PTPRK: variants seen among roughly 807,000 people sequenced by gnomAD.
PTPRK encodes the protein protein tyrosine phosphatase receptor type K.
PTPRK carries 75 observed loss-of-function variants against 178.0 expected under a neutral mutation model. The observed-to-expected ratio is 0.42, with a 90% CI of 0.35 to 0.51. The LOEUF is 0.51. Ranked by LOEUF, PTPRK falls within the 20% of genes least tolerant of loss-of-function variation. The pLI is 0.02. For missense variants in PTPRK, 1,441 were observed against 1,797.8 expected (o/e 0.80, Z 3.59); for synonymous variants, 637 against 620.6 (o/e 1.03, Z -0.39).
rs765595507 is a variant in PTPRK at position 127,973,804 on chromosome 6, C to T, written c.3993G>A (p.Val1331=). 2 of 1,613,574 alleles carry T rather than the reference C, an allele frequency of 1.2e-6. No individual in the cohort carries two copies. Among genetic ancestry groups the T allele is most frequent in the Non-Finnish European group, 1.7e-6 (2 of 1,179,602 alleles). ...LTRPQEGYLM[V]QQFQYLGWAS... ...CCCATCCTAGGTACTGAAACTGTTG[C>T]ACCATCAGATAACCTTCCTGTGGCT... is the stretch of plus-strand genomic sequence containing the variant. Residue 1331 remains valine (V), a synonymous_variant, in exon 28 of 30, where the codon GTG becomes GTA. Coordinates refer to ENST00000368226, the MANE Select transcript of PTPRK (RefSeq NM_002844.4).
At chr6:128,155,346 G>A (rs980538586) in intron 7 of PTPRK, among the ~76,000 whole-genome samples, 13 of 151,698 alleles carry the variant, frequency 8.6e-5, no homozygotes, top group African/African-American at 3.1e-4. Flanking sequence ...ATTAAGTTTT[G>A]CACAGTGGAA....
At chr6:128,125,015 A>G (rs1388298438) in intron 7 of PTPRK, among the ~76,000 whole-genome samples, 4 of 152,178 alleles carry the variant, frequency 2.6e-5, no homozygotes, top group Admixed American at 1.3e-4. Flanking sequence ...CAGATTTTGG[A>G]TTTACCAGCA....
At chr6:128,464,636 C>CATATATAT (rs1332123195) in intron 1 of PTPRK, among the ~76,000 whole-genome samples, 5 of 40,736 alleles carry the variant, frequency 1.2e-4, no homozygotes, top group East Asian at 2.3e-3. Context: ...TATATATATA[C>CATATATAT]ACATATATAT....
chr6:128,438,319 CCTA>C (rs1845866831), intron 1 of PTPRK, among the ~76,000 whole-genome samples: 2 of 152,230 alleles, frequency 1.3e-5, no homozygotes, highest in African/African-American at 2.4e-5. Context: ...CTTCATTCTA[CCTA>C]CTCTTATACA....
At chr6:128,417,680 C>G (rs937494629) in intron 1 of PTPRK, among the ~76,000 whole-genome samples, 1 of 152,116 alleles carries the variant, frequency 6.6e-6, no homozygotes, top group Non-Finnish European at 1.5e-5. Flanking sequence ...TGCTTAATAA[C>G]AAGAAAATTT....
intron 1 of PTPRK, among the ~76,000 whole-genome samples, chr6:128,417,649 G>T (rs543781759): frequency 1.3e-5 from 2 of 152,114 alleles, no homozygotes; most frequent in Non-Finnish European, 2.9e-5. Context: ...AGCCAATAAA[G>T]GTGGGCCTTC....
chr6:128,470,314 T>C (rs1304745763), intron 1 of PTPRK, among the ~76,000 whole-genome samples: 4 of 151,896 alleles, frequency 2.6e-5, no homozygotes, highest in Non-Finnish European at 5.9e-5. Flanking sequence ...TCTAGAGTTC[T>C]CAAGTGTTTT....
intron 15 of PTPRK, chr6:128,000,479 C>G (rs1777700840): frequency 2.3e-6 from 1 of 437,322 alleles, no homozygotes; most frequent in South Asian, 3.1e-5. Context: ...TCAAAAAATC[C>G]CTGATAGATT....
chr6:128,038,070 A>T (rs1776522228), intron 13 of PTPRK, among the ~76,000 whole-genome samples: 1 of 152,198 alleles, frequency 6.6e-6, no homozygotes, highest in African/African-American at 2.4e-5. Flanking sequence ...CATCATAGTG[A>T]ACACTGAAAA....
At chr6:128,407,631 ATC>A (rs1841822665) in intron 1 of PTPRK, among the ~76,000 whole-genome samples, 319 of 127,362 alleles carry the variant, frequency 2.5e-3, no homozygotes, top group East Asian at 4.0e-3. Flanking sequence ...GCAAGACCCT[ATC>A]AAAAAAAAAA....
intron 3 of PTPRK, among the ~76,000 whole-genome samples, chr6:128,280,867 T>C (rs561929321): frequency 6.6e-6 from 1 of 152,208 alleles, no homozygotes; most frequent in Non-Finnish European, 1.5e-5. Context: ...GTTAGATGTT[T>C]GGGACTTCGA....
At chr6:128,201,539 G>A (rs1284702300) in intron 6 of PTPRK, among the ~76,000 whole-genome samples, 3 of 152,074 alleles carry the variant, frequency 2.0e-5, no homozygotes. Flanking sequence ...CACGTCTCCT[G>A]TTCCTGTATT....
chr6:128,277,819 A>G (rs542040439), intron 3 of PTPRK, among the ~76,000 whole-genome samples: 1 of 152,342 alleles, frequency 6.6e-6, no homozygotes, highest in African/African-American at 2.4e-5. Flanking sequence ...TTGCAGAAGT[A>G]CCTGGCCCAT....
Position 128,145,597 on chromosome 6 carries a change from A to G in PTPRK, c.1162+38835T>C, listed in dbSNP as rs143964025. On this transcript the variant is annotated intron_variant, in intron 7 of 29. Coordinates refer to ENST00000368226, the MANE Select transcript of PTPRK (RefSeq NM_002844.4). ...GAATATGAAGAAAACAAATTGAAGA[A>G]ATAATTGAGTCCTTATTCTTGAGAT... 4.9e-4 allele frequency among the ~76,000 whole-genome samples: 74 copies of G among 152,238 alleles called. 1 individual carries two copies. The highest frequency in any genetic ancestry group is 1.7e-3 in the African/African-American group (72 of 41,554).
At chr6:128,214,370 T>G (rs1020248408) in intron 6 of PTPRK, among the ~76,000 whole-genome samples, 1 of 152,080 alleles carries the variant, frequency 6.6e-6, no homozygotes, top group Non-Finnish European at 1.5e-5. Context: ...TATTCCAAAC[T>G]CTGTATGTCC....
At position 128,299,330 on chromosome 6, in the gene PTPRK, C is replaced by T. The variant is rs1583998448; in HGVS notation, c.495+22709G>A. 3.0e-5 allele frequency among the ~76,000 whole-genome samples: 4 copies of T among 134,608 alleles called. No homozygotes were observed. In the South Asian group the frequency reaches 9.8e-4, roughly 33 times the overall value. The allele number at this position is 134,608 out of a possible 152,430, so 88.3% of individuals were successfully genotyped here. ...TTATAGATTCAATGCCATCCCCCAT[C>T]AAGCTACCAATGACTTTCTTCACAG... On this transcript the variant is annotated intron_variant, in intron 3 of 29. Transcript: ENST00000368226.
intron 7 of PTPRK, among the ~76,000 whole-genome samples, chr6:128,157,706 T>C (rs944671080): frequency 6.6e-6 from 1 of 152,112 alleles, no homozygotes; most frequent in Non-Finnish European, 1.5e-5. Flanking sequence ...ATGAACATTT[T>C]TTCATGTGTC....
At chr6:127,970,444 G>T (rs1285605523) in intron 29 of PTPRK, among the ~76,000 whole-genome samples, 164 bp from the exon 30 acceptor site, 4 of 151,996 alleles carry the variant, frequency 2.6e-5, no homozygotes, top group Admixed American at 1.3e-4. Flanking sequence ...TTTTATACTT[G>T]AGTCTAATGA....
At chr6:128,322,899 A>T (rs1450802332) in intron 2 of PTPRK, among the ~76,000 whole-genome samples, 1 of 152,074 alleles carries the variant, frequency 6.6e-6, no homozygotes, top group East Asian at 1.9e-4. Context: ...GAATGAGGAC[A>T]CTTTGTAGTG....
Sources: gnomAD v4.1 joint callset for allele counts (sites outside exome capture counted in the v4.1 genomes callset) on GRCh38, gnomAD v4.1.1 for gene constraint, MANE v1.5 for transcripts, NCBI Gene and HGNC (gene_info 2026-07-23, HGNC 2026-07-21) for gene names.